The following CACNA2D1 variants were observed in gnomAD, a reference collection of about 807,000 sequenced individuals.
The protein encoded by CACNA2D1 is calcium voltage-gated channel auxiliary subunit alpha2delta 1.
Under a neutral mutation model 171.5 loss-of-function variants are expected in CACNA2D1, and 53 were observed. That is an observed-to-expected ratio of 0.31 (90% CI 0.25 to 0.39). The LOEUF is 0.39. Among genes scored for constraint, CACNA2D1 ranks in the 10% least tolerant of loss-of-function variants. The probability of loss-of-function intolerance (pLI) is 1.00; values close to 1 mark genes in which losing one functional copy is unlikely to be tolerated. For missense variants in CACNA2D1, 903 were observed against 1,299.8 expected (o/e 0.69, Z 4.69); for synonymous variants, 442 against 443.1 (o/e 1.00, Z 0.03).
At chr7:82,364,811 T>C (rs903814618) in intron 1 of CACNA2D1, among the ~76,000 whole-genome samples, 2 of 152,196 alleles carry the variant, frequency 1.3e-5, no homozygotes, top group Non-Finnish European at 2.9e-5. Flanking sequence ...TGTGTTCAGT[T>C]TTCTGATGGG....
At chr7:82,009,663 A>G (rs375955890) in intron 15 of CACNA2D1, among the ~76,000 whole-genome samples, 1 of 152,082 alleles carries the variant, frequency 6.6e-6, no homozygotes, top group Admixed American at 6.6e-5. Flanking sequence ...AAAATGGTAA[A>G]ATGTAGCCTA....
At chr7:82,020,537 GTAATGAAGATGA>G (rs1179877254) in intron 12 of CACNA2D1, among the ~76,000 whole-genome samples, 1 of 151,906 alleles carries the variant, frequency 6.6e-6, no homozygotes, top group East Asian at 1.9e-4. Flanking sequence ...ATTAGCTATG[GTAATGAAGATGA>G]TGATGAAGAC....
At chr7:82,159,987 A>C (rs963843499) in intron 4 of CACNA2D1, among the ~76,000 whole-genome samples, 17 of 151,180 alleles carry the variant, frequency 1.1e-4, no homozygotes, top group African/African-American at 4.1e-4. Flanking sequence ...ACTTTAATAT[A>C]AAGACACCAA....
chr7:82,060,413 T>A lies in CACNA2D1; in HGVS notation c.879+15A>T. On this transcript the variant is annotated intron_variant, in intron 10 of 38. Coordinates refer to ENST00000356860, the MANE Select transcript of CACNA2D1 (RefSeq NM_000722.4). ...GCAAATTTAATTCAGGAAAATGCAGTCATCTTATACTTACTGAAGCTACAT... is the reference window on the plus strand; with the variant it reads ...GCAAATTTAATTCAGGAAAATGCAGACATCTTATACTTACTGAAGCTACAT... 1 of 1,537,424 alleles carries A rather than the reference T, an allele frequency of 6.5e-7. No homozygotes were observed. The highest frequency in any genetic ancestry group is 2.3e-5 in the East Asian group (1 of 44,036).
chr7:82,145,218 T>A (rs752907272), intron 4 of CACNA2D1, among the ~76,000 whole-genome samples: 143 of 146,386 alleles, frequency 9.8e-4, no homozygotes, highest in Admixed American at 2.9e-3. Flanking sequence ...ACAGTGAATT[T>A]TATATATATA....
chr7:82,252,327 G>C (rs775912145), intron 3 of CACNA2D1, among the ~76,000 whole-genome samples: 1 of 152,174 alleles, frequency 6.6e-6, no homozygotes, highest in African/African-American at 2.4e-5. Context: ...GAGAGGTGAA[G>C]TTACTTGCCT....
chr7:82,332,612 T>A (rs1817513319), intron 3 of CACNA2D1, among the ~76,000 whole-genome samples: 1 of 150,294 alleles, frequency 6.7e-6, no homozygotes, highest in South Asian at 2.2e-4. Context: ...TAAAAGATAG[T>A]AAACAAAAAA....
Position 82,145,358 on chromosome 7 carries a change from A to G in CACNA2D1, c.355-8682T>C, listed in dbSNP as rs192320939. Among the ~76,000 whole-genome samples, 96 of 144,964 alleles carry G rather than the reference A, an allele frequency of 6.6e-4. 1 individual carries two copies. In the East Asian group the frequency reaches 0.012, roughly 18 times the overall value. On this transcript the variant is annotated intron_variant, in intron 4 of 38. Transcript: ENST00000356860. ...ATATAATATATAATTTATATATTAT[A>G]TATTACACATTATATATTATATATT...
chr7:82,117,056 T>A lies in CACNA2D1; in HGVS notation c.514A>T (p.Ile172Phe). The A allele has an allele frequency of 6.2e-7, 1 of 1,613,864 alleles. No homozygotes were observed. Among genetic ancestry groups the A allele is most frequent in the Non-Finnish European group, 8.5e-7 (1 of 1,179,828 alleles). ...QHAAVHIPTDIYEGSTIVLNE... is the reference protein window; with the variant it reads ...QHAAVHIPTDFYEGSTIVLNE... ...TTCTTTTACTTACAGCCCTCATAGATGTCAGTAGGAATATGGACTGCTGCG... is the reference window on the plus strand; with the variant it reads ...TTCTTTTACTTACAGCCCTCATAGAAGTCAGTAGGAATATGGACTGCTGCG... Residue 172 changes from isoleucine to phenylalanine, a missense_variant, in exon 6 of 39, where the codon ATC (isoleucine) becomes TTC (phenylalanine). Physicochemically the swap from Ile to Phe is conservative, Grantham distance 21. This residue lies in a region of CACNA2D1 where 189 missense variants were observed against 266.8 expected (regional missense o/e 0.71). Coordinates refer to ENST00000356860, the MANE Select transcript of CACNA2D1 (RefSeq NM_000722.4).
intron 3 of CACNA2D1, among the ~76,000 whole-genome samples, chr7:82,300,267 T>A (rs1265885771): frequency 6.6e-6 from 1 of 151,934 alleles, no homozygotes; most frequent in Non-Finnish European, 1.5e-5. Context: ...AGAAGGCCTG[T>A]GGACTGAAGC....
intron 6 of CACNA2D1, among the ~76,000 whole-genome samples, chr7:82,091,283 G>A (rs1182644370): frequency 1.3e-5 from 2 of 152,170 alleles, no homozygotes; most frequent in Admixed American, 1.3e-4. Flanking sequence ...CTGAGGATGG[G>A]AGAGCAGAAG....
At chr7:82,365,320 A>G (rs1262337487) in intron 1 of CACNA2D1, among the ~76,000 whole-genome samples, 1 of 152,218 alleles carries the variant, frequency 6.6e-6, no homozygotes, top group Non-Finnish European at 1.5e-5. Flanking sequence ...AAGGTATACA[A>G]TTTTCAGTTC....
intron 6 of CACNA2D1, among the ~76,000 whole-genome samples, chr7:82,095,871 C>A (rs1811799610): frequency 6.6e-6 from 1 of 152,084 alleles, no homozygotes; most frequent in Admixed American, 6.6e-5. Flanking sequence ...CCATTTAATC[C>A]TGTTTTTAGT....
intron 3 of CACNA2D1, among the ~76,000 whole-genome samples, chr7:82,271,098 T>C (rs898921521): frequency 3.3e-5 from 5 of 152,100 alleles, no homozygotes; most frequent in African/African-American, 1.2e-4. Context: ...TTTTTTCATG[T>C]CAATTGTCAC....
intron 1 of CACNA2D1, among the ~76,000 whole-genome samples, chr7:82,352,921 G>A (rs1217677603): frequency 6.6e-6 from 1 of 152,184 alleles, no homozygotes; most frequent in Non-Finnish European, 1.5e-5. Flanking sequence ...TGATAGGGAA[G>A]AGTGATAGGC....
chr7:82,424,344 C>G (rs2368026), intron 1 of CACNA2D1, among the ~76,000 whole-genome samples: 1 of 152,010 alleles, frequency 6.6e-6, no homozygotes, highest in Non-Finnish European at 1.5e-5. Flanking sequence ...TTAAAAAGCA[C>G]GTCATCGTTA....
intron 3 of CACNA2D1, among the ~76,000 whole-genome samples, chr7:82,244,974 G>T (rs148199762): frequency 1.1e-4 from 17 of 152,226 alleles, no homozygotes; most frequent in African/African-American, 2.9e-4. Context: ...ATATTCCACT[G>T]CTGCAGACAA....
chr7:82,383,308 G>A (rs1441330036), intron 1 of CACNA2D1, among the ~76,000 whole-genome samples: 2 of 152,164 alleles, frequency 1.3e-5, no homozygotes, highest in Non-Finnish European at 2.9e-5. Flanking sequence ...AAGGATGCTT[G>A]TAGGCAAGAC....
At chr7:82,379,284 A>G (rs1482952648) in intron 1 of CACNA2D1, among the ~76,000 whole-genome samples, 1 of 150,478 alleles carries the variant, frequency 6.6e-6, no homozygotes, top group African/African-American at 2.5e-5. Flanking sequence ...AGCATAGATC[A>G]CAAGAATCCA....
Sources: gnomAD v4.1 joint callset for allele counts (sites outside exome capture counted in the v4.1 genomes callset) on GRCh38, gnomAD v4.1.1 for gene constraint, gnomAD v4.1.1 regional missense constraint, MANE v1.5 for transcripts, NCBI Gene and HGNC (gene_info 2026-07-23, HGNC 2026-07-21) for gene names.